The following RPLP2 variants were observed in gnomAD, a reference collection of about 807,000 sequenced individuals.
RPLP2 encodes the protein large ribosomal subunit protein P2.
RPLP2 carries 1 observed loss-of-function variant against 11.5 expected under a neutral mutation model. The ratio of observed to expected loss-of-function variants is 0.09; its 90% CI spans 0.03 to 0.41. RPLP2 has a LOEUF of 0.41. RPLP2 is among the 10% of genes least tolerant of loss of function. The pLI is 0.98. For missense variants in RPLP2, 177 were observed against 145.6 expected, an observed-to-expected ratio of 1.22 and a Z score of -1.11; for synonymous variants, 82 against 55.9, an observed-to-expected ratio of 1.47 and a Z score of -2.08.
At chr11:810,379 C>T in intron 2 of RPLP2, 22 bp downstream of exon 2, 5 of 1,599,308 alleles carry the variant, frequency 3.1e-6, no homozygotes, top group Non-Finnish European at 4.3e-6. Flanking sequence ...CCTTGCCCCG[C>T]AGCCGCCGTG....
chr11:810,415 T>A, intron 2 of RPLP2, 58 bp downstream of exon 2: 3 of 1,517,098 alleles, frequency 2.0e-6, no homozygotes, highest in East Asian at 2.5e-5. Context: ...ATACAGGCGA[T>A]TCTTCTGCCT....
At chr11:811,161 T>C (rs1017857951) in intron 2 of RPLP2, among the ~76,000 whole-genome samples, 1 of 152,090 alleles carries the variant, frequency 6.6e-6, no homozygotes, top group Non-Finnish European at 1.5e-5. Flanking sequence ...GAACCAGGCC[T>C]CGTCTCTAAA....
chr11:812,237 A>G, intron 3 of RPLP2: 1 of 467,278 alleles, frequency 2.1e-6, no homozygotes, highest in African/African-American at 2.0e-5. Flanking sequence ...TTCCCTACCT[A>G]GTTATGAACA....
Position 810,370 on chromosome 11 carries a change from C to G in RPLP2, c.123+13C>G, listed in dbSNP as rs201228279. Reference sequence around the variant, plus strand: ...CCGGCTCAACAAGGTAGCGGCCGCCCTTGCCCCGCAGCCGCCGTGGGGCCC... The same window carrying G: ...CCGGCTCAACAAGGTAGCGGCCGCCGTTGCCCCGCAGCCGCCGTGGGGCCC... On this transcript the variant is annotated intron_variant, in intron 2 of 4. Coordinates refer to ENST00000321153, the MANE Select transcript of RPLP2 (RefSeq NM_001004.4). 1.2e-6 allele frequency: 2 copies of G among 1,601,832 alleles called. No individual in the cohort carries two copies. The highest frequency in any genetic ancestry group is 1.1e-5 in the South Asian group (1 of 89,604).
chr11:810,516 G>A (rs950824595), intron 2 of RPLP2, 159 bp downstream of exon 2: 4 of 652,592 alleles, frequency 6.1e-6, no homozygotes, highest in African/African-American at 3.8e-5. Context: ...GGCGGAGGTC[G>A]GGCGCGGTGG....
intron 2 of RPLP2, 88 bp downstream of exon 2, chr11:810,445 G>T: frequency 1.5e-6 from 2 of 1,328,504 alleles, no homozygotes; most frequent in Non-Finnish European, 2.1e-6. Flanking sequence ...ACATGCTGGA[G>T]GGTTCGGGGA....
In RPLP2 at chr11:810,019, C is replaced by A. The variant is rs896226891; in HGVS notation, c.-22C>A. On this transcript the variant is annotated 5_prime_UTR_variant, in exon 1 of 5. Transcript: ENST00000321153. ...CGCACGCGTGAGACTTCTCCGCCGC[C>A]TCCGCCGCAGACGCCGCCGCGTGAG... 5.0e-6 allele frequency: 2 copies of A among 401,160 alleles called. No individual in the cohort carries two copies. The highest frequency in any genetic ancestry group is 8.0e-6 in the Non-Finnish European group (2 of 250,998). 24.9% of individuals were successfully genotyped at this position (401,160 alleles called of 1,614,324 possible). A position where few individuals can be genotyped will look rare whatever the true frequency, so the allele number is the denominator to read the frequency against.
At chr11:812,330 C>T (rs1375875167) in intron 3 of RPLP2, 3 of 645,970 alleles carry the variant, frequency 4.6e-6, no homozygotes, top group Non-Finnish European at 8.0e-6. Context: ...GAAGGCAAGT[C>T]CCTGGATAGG....
intron 2 of RPLP2, 199 bp from the exon 3 acceptor site, chr11:811,398 A>C: frequency 1.6e-6 from 1 of 617,270 alleles, no homozygotes; most frequent in Non-Finnish European, 2.9e-6. Flanking sequence ...GTCAGTCCTA[A>C]GTCTAAGAAA....
intron 2 of RPLP2, chr11:811,363 G>A: frequency 1.7e-6 from 1 of 582,784 alleles, no homozygotes; most frequent in Non-Finnish European, 3.1e-6. Flanking sequence ...GTCAACATAA[G>A]TAGTGAGATG....
intron 2 of RPLP2, among the ~76,000 whole-genome samples, chr11:810,904 C>G (rs1459519620): frequency 6.7e-6 from 1 of 148,930 alleles, no homozygotes; most frequent in Middle Eastern, 3.5e-3. Context: ...AAAAAGCAGT[C>G]CTGGCGCATG....
intron 2 of RPLP2, among the ~76,000 whole-genome samples, chr11:810,969 G>A (rs531701005): frequency 1.4e-5 from 2 of 144,066 alleles, no homozygotes; most frequent in African/African-American, 5.2e-5. Context: ...CTTGAAGTTC[G>A]AGACTGGTCT....
intron 2 of RPLP2, among the ~76,000 whole-genome samples, chr11:811,133 T>A (rs1012293866): frequency 1.9e-4 from 29 of 151,942 alleles, no homozygotes; most frequent in African/African-American, 6.0e-4. Context: ...GTAGTGATTG[T>A]GCCACTGCAG....
chr11:810,623 A>C (rs951773462), intron 2 of RPLP2: 4 of 311,436 alleles, frequency 1.3e-5, no homozygotes, highest in African/African-American at 8.7e-5. Flanking sequence ...TCGAAACCCC[A>C]TCCCTACTAA....
At position 811,669 on chromosome 11, in the gene RPLP2, C is replaced by A. The variant is rs766570583; in HGVS notation, c.172+24C>A. On this transcript the variant is annotated intron_variant, in intron 3 of 4. Coordinates refer to ENST00000321153, the MANE Select transcript of RPLP2 (RefSeq NM_001004.4). ...GGGTGAGTTGATGTGGACGGGCTTT[C>A]GTTTGTTTTCATGGTCCATCCTAAT... is the stretch of plus-strand genomic sequence containing the variant. 1.9e-6 allele frequency: 3 copies of A among 1,614,178 alleles called. No individual in the cohort carries two copies. The South Asian group carries it at 3.3e-5, about 18-fold the overall frequency.
chr11:812,592 C>T lies in RPLP2; in HGVS notation c.230C>T (p.Pro77Leu). ...GGGGCTGTAGCCGTCTCTGCTGCCC[C>T]AGGCTCTGCAGCCCCTGCTGCTGGT... ...AGGAVAVSAA[P>L]GSAAPAAGSA... The change falls in exon 4 of 5, where the codon CCA (proline) becomes CTA (leucine). Residue 77 changes from proline (P) to leucine (L), a missense_variant. Coordinates refer to ENST00000321153, the MANE Select transcript of RPLP2 (RefSeq NM_001004.4). 6.2e-7 allele frequency: 1 copy of T among 1,609,582 alleles called. No homozygotes were observed. Among genetic ancestry groups the T allele is most frequent in the South Asian group, 1.1e-5 (1 of 90,990 alleles).
chr11:810,749 G>A (rs182731677), intron 2 of RPLP2, among the ~76,000 whole-genome samples: 1 of 149,432 alleles, frequency 6.7e-6, no homozygotes, highest in Non-Finnish European at 1.5e-5. Context: ...TCGTGCCACT[G>A]TACTCCAGTC....
In RPLP2 at chr11:811,466, G is replaced by C. The variant is rs569183311; in HGVS notation, c.124-131G>C. 9.9e-6 allele frequency: 10 copies of C among 1,012,670 alleles called. No individual in the cohort carries two copies. In the South Asian group the frequency reaches 1.3e-4, roughly 13 times the overall value. 62.7% of individuals were successfully genotyped at this position (1,012,670 alleles called of 1,614,324 possible). ...AAGTGAGGCTGGTGGCTCCCTTTGGGCAGTGCAGTTCTGGAAACTTCAGGG... is the reference window on the plus strand; with the variant it reads ...AAGTGAGGCTGGTGGCTCCCTTTGGCCAGTGCAGTTCTGGAAACTTCAGGG... On this transcript the variant is annotated intron_variant, in intron 2 of 4. Coordinates refer to ENST00000321153, the MANE Select transcript of RPLP2 (RefSeq NM_001004.4).
At position 810,320 on chromosome 11, in the gene RPLP2, G is replaced by C; in HGVS notation, c.86G>C (p.Ser29Thr). 1 of 1,608,968 alleles carries C rather than the reference G, an allele frequency of 6.2e-7. No individual in the cohort carries two copies. The highest frequency in any genetic ancestry group is 8.5e-7 in the Non-Finnish European group (1 of 1,178,308). ...AAGGACATCAAGAAGATCTTGGACA[G>C]CGTGGGTATCGAGGCGGACGACGAC... is the stretch of plus-strand genomic sequence containing the variant. ...SAKDIKKILD[S>T]VGIEADDDRL... The change falls in exon 2 of 5, where the codon AGC becomes ACC. Residue 29 changes from serine (S) to threonine (T), a missense_variant. Transcript: ENST00000321153.
Sources: gnomAD v4.1 joint callset for allele counts (sites outside exome capture counted in the v4.1 genomes callset) on GRCh38, gnomAD v4.1.1 for gene constraint, MANE v1.5 for transcripts, NCBI Gene and HGNC (gene_info 2026-07-23, HGNC 2026-07-21) for gene names.